The following SMYD3 variants were observed in gnomAD, a reference collection of about 807,000 sequenced individuals.
SMYD3 encodes histone-lysine N-methyltransferase SMYD3.
SMYD3 carries 36 observed loss-of-function variants against 57.7 expected under a neutral mutation model. The observed-to-expected ratio is 0.62, with a 90% CI of 0.48 to 0.82. The LOEUF (loss-of-function observed/expected upper bound fraction) is 0.82. Among genes scored for constraint, SMYD3 ranks in the 40% least tolerant of loss-of-function variants. The pLI, the probability that SMYD3 is intolerant of heterozygous loss-of-function variation, is 0.00. For missense variants in SMYD3, 515 were observed against 538.8 expected, an observed-to-expected ratio of 0.96 and a Z score of 0.44; for synonymous variants, 211 against 195.0, an observed-to-expected ratio of 1.08 and a Z score of -0.68.
At chr1:245,896,800 G>GC (rs1448277758) in intron 8 of SMYD3, among the ~76,000 whole-genome samples, 1 of 152,166 alleles carries the variant, frequency 6.6e-6, no homozygotes, top group Non-Finnish European at 1.5e-5. Context: ...TCACCGGGGC[G>GC]CAAGAGGTCC....
intron 5 of SMYD3, among the ~76,000 whole-genome samples, chr1:246,234,422 ACT>A (rs1278913397): frequency 2.0e-5 from 3 of 152,290 alleles, no homozygotes; most frequent in African/African-American, 2.4e-5. Context: ...TTCCATTCAC[ACT>A]GTGATGAACA....
intron 5 of SMYD3, among the ~76,000 whole-genome samples, chr1:246,184,128 C>T (rs942869815): frequency 6.6e-6 from 1 of 152,014 alleles, no homozygotes; most frequent in Non-Finnish European, 1.5e-5. Context: ...CCCATGAGCA[C>T]CAAAGCAGTA....
chr1:246,404,523 A>C (rs1312521360), intron 1 of SMYD3, among the ~76,000 whole-genome samples: 2 of 152,230 alleles, frequency 1.3e-5, no homozygotes, highest in Non-Finnish European at 2.9e-5. Flanking sequence ...TATTATGTCT[A>C]TATCTGCTTG....
chr1:246,282,580 CTT>C (rs923507776), intron 5 of SMYD3, among the ~76,000 whole-genome samples: 5 of 147,296 alleles, frequency 3.4e-5, no homozygotes, highest in African/African-American at 1.2e-4. Context: ...TTTTTCTTTT[CTT>C]TTGCTTACCT....
At position 246,134,052 on chromosome 1, in the gene SMYD3, T is replaced by C. The variant is rs560963748; in HGVS notation, c.531+193149A>G. ...ACAGGCTAAAGACAGCCCGGGGAAA[T>C]GACTAGTGAACCTTCAGATAAGATG... is the stretch of plus-strand genomic sequence containing the variant. On this transcript the variant is annotated intron_variant, in intron 5 of 11. Coordinates refer to ENST00000490107, the MANE Select transcript of SMYD3 (RefSeq NM_001167740.2). Among the ~76,000 whole-genome samples the C allele has an allele frequency of 3.9e-5, 6 of 152,114 alleles. No individual in the cohort carries two copies. The South Asian group carries it at 1.0e-3, about 26-fold the overall frequency.
chr1:245,947,279 G>T (rs1347917469), intron 5 of SMYD3: 3 of 436,364 alleles, frequency 6.9e-6, no homozygotes, highest in Non-Finnish European at 1.4e-5. Context: ...GTAGCTAAAG[G>T]AAGAAACAGA....
At chr1:246,198,296 G>A (rs2062856566) in intron 5 of SMYD3, among the ~76,000 whole-genome samples, 1 of 152,214 alleles carries the variant, frequency 6.6e-6, no homozygotes, top group Non-Finnish European at 1.5e-5. Context: ...AAGAACAGAT[G>A]TAACCAGCAA....
chr1:246,471,447 T>C (rs1010349049), intron 1 of SMYD3, among the ~76,000 whole-genome samples: 6 of 152,228 alleles, frequency 3.9e-5, no homozygotes, highest in Non-Finnish European at 8.8e-5. Flanking sequence ...TTCCCCATCC[T>C]TGGCCTCCCA....
At chr1:246,248,800 C>T (rs1038238386) in intron 5 of SMYD3, among the ~76,000 whole-genome samples, 1 of 139,798 alleles carries the variant, frequency 7.2e-6, no homozygotes, top group Non-Finnish European at 1.5e-5. Context: ...CGCCACCATG[C>T]CCGGCTAATT....
chr1:246,221,457 C>A (rs2063252283), intron 5 of SMYD3, among the ~76,000 whole-genome samples: 1 of 152,180 alleles, frequency 6.6e-6, no homozygotes, highest in Non-Finnish European at 1.5e-5. Flanking sequence ...ACGTTGTGGG[C>A]AAAGAGAAGG....
intron 10 of SMYD3, among the ~76,000 whole-genome samples, chr1:245,796,798 C>T (rs2047540681): frequency 6.6e-6 from 1 of 152,226 alleles, no homozygotes; most frequent in African/African-American, 2.4e-5. Context: ...ACAGCTAGAT[C>T]ACTGCTCCAT....
At chr1:245,939,421 C>T (rs1023200321) in intron 5 of SMYD3, among the ~76,000 whole-genome samples, 17 of 151,950 alleles carry the variant, frequency 1.1e-4, no homozygotes, top group Admixed American at 3.9e-4. Flanking sequence ...GTCAGGAGAT[C>T]GAGACCAGCC....
chr1:246,127,701 GCCTAGCCAACATAACGAAA>G (rs998394038), intron 5 of SMYD3, among the ~76,000 whole-genome samples: 2 of 152,050 alleles, frequency 1.3e-5, no homozygotes, highest in Non-Finnish European at 2.9e-5. Flanking sequence ...TTCAAGAGCA[GCCTAGCCAACATAACGAAA>G]CCCCATCTCT....
chr1:245,807,434 T>C (rs1572393389), intron 10 of SMYD3, among the ~76,000 whole-genome samples: 1 of 152,200 alleles, frequency 6.6e-6, no homozygotes, highest in Middle Eastern at 3.4e-3. Context: ...GAAGTCAGCC[T>C]CCGAACTTCC....
intron 8 of SMYD3, among the ~76,000 whole-genome samples, chr1:245,907,835 C>G (rs1328799877): frequency 1.3e-5 from 2 of 152,026 alleles, no homozygotes; most frequent in African/African-American, 4.8e-5. Flanking sequence ...AATTGTAAAG[C>G]CAGATTAAAA....
intron 10 of SMYD3, among the ~76,000 whole-genome samples, chr1:245,764,421 T>C (rs545076276): frequency 1.2e-4 from 18 of 151,848 alleles, no homozygotes; most frequent in African/African-American, 3.9e-4. Flanking sequence ...GAAACAAAAG[T>C]TTGGAGCTCT....
chr1:245,994,711 C>T (rs1365248727), intron 5 of SMYD3, among the ~76,000 whole-genome samples: 1 of 152,102 alleles, frequency 6.6e-6, no homozygotes, highest in African/African-American at 2.4e-5. Context: ...TAATTTACCA[C>T]TCACTTCCCT....
At chr1:246,198,791 T>C (rs1343997758) in intron 5 of SMYD3, among the ~76,000 whole-genome samples, 2 of 152,226 alleles carry the variant, frequency 1.3e-5, no homozygotes. Context: ...TAGAATTTTA[T>C]AGTGGCACCT....
intron 5 of SMYD3, among the ~76,000 whole-genome samples, chr1:246,298,236 A>G (rs2064831320): frequency 1.3e-5 from 2 of 152,072 alleles, no homozygotes; most frequent in Non-Finnish European, 2.9e-5. Context: ...TAAAAAAATA[A>G]TAATAATAAA....
Sources: gnomAD v4.1 joint callset for allele counts (sites outside exome capture counted in the v4.1 genomes callset) on GRCh38, gnomAD v4.1.1 for gene constraint, MANE v1.5 for transcripts, NCBI Gene and HGNC (gene_info 2026-07-23, HGNC 2026-07-21) for gene names.